Variants in MSL2 observed in about 807,000 individuals in gnomAD.
The protein encoded by MSL2 is E3 ubiquitin-protein ligase MSL2.
A neutral mutation model predicts 35.8 loss-of-function variants in MSL2; 2 were observed. The ratio of observed to expected loss-of-function variants is 0.06; its 90% confidence interval spans 0.02 to 0.18. MSL2 has a LOEUF of 0.18. Among genes scored for constraint, MSL2 ranks in the 10% least tolerant of loss-of-function variants. MSL2 has a pLI of 1.00. For synonymous variants in MSL2, 296 were observed against 255.7 expected, an observed-to-expected ratio of 1.16 and a Z score of -1.50; for missense variants, 523 against 706.7, an observed-to-expected ratio of 0.74 and a Z score of 2.95.
rs750504388 is a variant in MSL2 at position 136,151,700 on chromosome 3, G to A, written c.1181C>T (p.Thr394Ile). 1.2e-6 allele frequency: 2 copies of A among 1,614,102 alleles called. No homozygotes were observed. Among genetic ancestry groups the A allele is most frequent in the Non-Finnish European group, 1.7e-6 (2 of 1,180,010 alleles). ...PIATVPNGGTTPKISKTVLLS... is the reference protein window; with the variant it reads ...PIATVPNGGTIPKISKTVLLS... Reference sequence around the variant, plus strand: ...AAGTACAGTTTTGCTGATTTTAGGTGTTGTGCCTCCATTGGGAACAGTTGC... The same window carrying A: ...AAGTACAGTTTTGCTGATTTTAGGTATTGTGCCTCCATTGGGAACAGTTGC... The change falls in exon 2 of 2, where the codon ACA (threonine) becomes ATA (isoleucine). Residue 394 changes from threonine to isoleucine, a missense_variant. By Grantham distance (89) the Thr-to-Ile change is moderately conservative (BLOSUM62 -1). Around this residue, in one of 5 missense-constraint regions of MSL2, gnomAD observed 361 missense variants for 414.6 expected, o/e 0.87. Transcript: ENST00000309993. The surrounding 1 kb of genome is among the most constrained non-coding windows in gnomAD (Gnocchi z 5.2).
intron 1 of MSL2, among the ~76,000 whole-genome samples, chr3:136,171,789 G>A (rs1280085805): frequency 2.0e-5 from 3 of 152,222 alleles, no homozygotes; most frequent in African/African-American, 4.8e-5. Context: ...TATAAAGGGT[G>A]TATCAAAAGC....
chr3:136,151,906 C>A lies in MSL2; in HGVS notation c.975G>T (p.Gly325=), dbSNP rs772986997. 3 of 1,614,122 alleles carry A rather than the reference C, an allele frequency of 1.9e-6. No homozygotes were observed. The South Asian group carries it at 3.3e-5, about 18-fold the overall frequency. The part of the protein sequence containing the change: ...VFMSTSPALH[G]LSCTAATPKI... ...TCGGAGTTGCTGCTGTACATGATAACCCATGAAGTGCAGGACTGGTGGACA... is the reference window on the plus strand; with the variant it reads ...TCGGAGTTGCTGCTGTACATGATAAACCATGAAGTGCAGGACTGGTGGACA... Residue 325 remains glycine (G), a synonymous_variant, in exon 2 of 2, where the codon GGG becomes GGT. Transcript: ENST00000309993. The surrounding 1 kb of genome is among the most constrained non-coding windows in gnomAD (Gnocchi z 5.2).
rs574123873 is a variant in MSL2, at chr3:136,151,011, T to C, written c.*136A>G. ...AAACTATTTCCCCGACACTAACACA[T>C]ATAACTTAGCAATGAAAACACTTGA... On this transcript the variant is annotated 3_prime_UTR_variant, in exon 2 of 2. Transcript: ENST00000309993. The surrounding 1 kb of genome is among the most constrained non-coding windows in gnomAD (Gnocchi z 5.2). 8 of 946,118 alleles carry C rather than the reference T, an allele frequency of 8.5e-6. No homozygotes were observed. The Admixed American group carries it at 1.1e-4, about 14-fold the overall frequency. 58.6% of individuals were successfully genotyped at this position (946,118 alleles called of 1,614,324 possible).
chr3:136,166,383 ATC>A (rs1190644700), intron 1 of MSL2, among the ~76,000 whole-genome samples: 2 of 151,932 alleles, frequency 1.3e-5, no homozygotes, highest in Non-Finnish European at 2.9e-5. Context: ...GCGAGACTCT[ATC>A]TCAAAAAAAA....
At chr3:136,156,082 C>T in intron 1 of MSL2, 1 of 264,538 alleles carries the variant, frequency 3.8e-6, no homozygotes, top group Non-Finnish European at 7.6e-6. Context: ...AAAAGGAAAT[C>T]AGCTATATCT....
At chr3:136,176,600 G>C (rs1457294557) in intron 1 of MSL2, among the ~76,000 whole-genome samples, 1 of 150,232 alleles carries the variant, frequency 6.7e-6, no homozygotes, top group Non-Finnish European at 1.5e-5. Context: ...TGAGGCAGGA[G>C]AATCACTTGA....
In MSL2 at chr3:136,194,965, G is replaced by A. The variant is rs1398019069; in HGVS notation, c.142+7C>T. On this transcript the variant is annotated splice_region_variant and intron_variant, in intron 1 of 1. Coordinates refer to ENST00000309993, the MANE Select transcript of MSL2 (RefSeq NM_018133.4). ...CATTGAAAAGGGAACAATAAAAAGC[G>A]TCTCACCGCAAACACAGCACGAAAG... 2 of 1,613,546 alleles carry A rather than the reference G, an allele frequency of 1.2e-6. No individual in the cohort carries two copies. Among genetic ancestry groups the A allele is most frequent in the Non-Finnish European group, 8.5e-7 (1 of 1,179,924 alleles).
At chr3:136,188,045 G>A (rs573844815) in intron 1 of MSL2, among the ~76,000 whole-genome samples, 1 of 152,206 alleles carries the variant, frequency 6.6e-6, no homozygotes, top group African/African-American at 2.4e-5. Flanking sequence ...ACCACTATAG[G>A]GCAAGGGCTC....
intron 1 of MSL2, among the ~76,000 whole-genome samples, chr3:136,172,231 T>G (rs1940046145): frequency 6.6e-6 from 1 of 152,136 alleles, no homozygotes; most frequent in Admixed American, 6.5e-5. Context: ...ATTTAAGTAT[T>G]CTCCCTCTCT....
chr3:136,170,006 G>A (rs1314782830), intron 1 of MSL2, among the ~76,000 whole-genome samples: 6 of 149,586 alleles, frequency 4.0e-5, no homozygotes, highest in African/African-American at 1.5e-4. Flanking sequence ...ATCCAGGATC[G>A]CGCCACTGCA....
At chr3:136,161,775 G>A (rs1022641605) in intron 1 of MSL2, among the ~76,000 whole-genome samples, 1 of 152,018 alleles carries the variant, frequency 6.6e-6, no homozygotes, top group Non-Finnish European at 1.5e-5. Flanking sequence ...AGTGGTGATG[G>A]TTACACAACT....
intron 1 of MSL2, among the ~76,000 whole-genome samples, chr3:136,193,280 G>A (rs751223000): frequency 2.6e-5 from 4 of 152,100 alleles, no homozygotes; most frequent in Non-Finnish European, 5.9e-5. Flanking sequence ...GTTCTTAACA[G>A]TTTTAGGATA....
At chr3:136,154,966 T>C (rs1020005823) in intron 1 of MSL2, among the ~76,000 whole-genome samples, 12 of 152,068 alleles carry the variant, frequency 7.9e-5, no homozygotes, top group East Asian at 3.9e-4. Context: ...TCCCAGCACT[T>C]TGGGAGGCCG....
intron 1 of MSL2, among the ~76,000 whole-genome samples, chr3:136,180,791 AGGG>A (rs1559969204): frequency 0.057 from 3,906 of 68,238 alleles, 297 homozygotes; most frequent in Non-Finnish European, 0.071. Flanking sequence ...GGAGGGAGGG[AGGG>A]AGGGAGGGAG....
chr3:136,155,921 T>C, intron 1 of MSL2: 2 of 547,844 alleles, frequency 3.7e-6, no homozygotes, highest in East Asian at 4.7e-5. Flanking sequence ...CCTCATGGTT[T>C]CCAATACTCC....
Position 136,159,354 on chromosome 3 carries a change from C to CTTTTTTTTTTTTT in MSL2, c.143-6629_143-6617dup, listed in dbSNP as rs71157361. Among the ~76,000 whole-genome samples the CTTTTTTTTTTTTT allele has an allele frequency of 8.6e-4, 60 of 70,060 alleles. 8 individuals are homozygous for CTTTTTTTTTTTTT. Among genetic ancestry groups the CTTTTTTTTTTTTT allele is most frequent in the African/African-American group, 3.1e-3 (56 of 18,010 alleles). 46.0% of individuals were successfully genotyped at this position (70,060 alleles called of 152,430 possible). Reference sequence around the variant, plus strand: ...TTCAATGGGGAAAGGAGAGTACTTTCTTTTTTTTTTTTTTTTTTTTTTTTT... The same window carrying CTTTTTTTTTTTTT: ...TTCAATGGGGAAAGGAGAGTACTTTCTTTTTTTTTTTTTTTTTTTTTTTTTTTTTTTTTTTTTT... On this transcript the variant is annotated intron_variant, in intron 1 of 1. Transcript: ENST00000309993.
chr3:136,193,628 T>C (rs1940753419), intron 1 of MSL2, among the ~76,000 whole-genome samples: 1 of 151,670 alleles, frequency 6.6e-6, no homozygotes, highest in African/African-American at 2.4e-5. Context: ...AGTGAGAGGT[T>C]ACCATGAAAC....
At chr3:136,185,283 G>T (rs1437434797) in intron 1 of MSL2, among the ~76,000 whole-genome samples, 1 of 140,544 alleles carries the variant, frequency 7.1e-6, no homozygotes, top group African/African-American at 2.7e-5. Flanking sequence ...GCCCAATTCA[G>T]CAAATTTTTA....
intron 1 of MSL2, among the ~76,000 whole-genome samples, chr3:136,159,571 C>A (rs1358808743): frequency 6.6e-6 from 1 of 150,570 alleles, no homozygotes; most frequent in Non-Finnish European, 1.5e-5. Context: ...GAGGTTTCAC[C>A]GTGTTAGCCA....
Sources: allele counts gnomAD v4.1 joint callset (sites outside exome capture counted in the v4.1 genomes callset), GRCh38; gene constraint gnomAD v4.1.1; regional missense constraint gnomAD v4.1.1; non-coding constraint Gnocchi (gnomAD v3.1); transcripts MANE v1.5; gene names NCBI Gene and HGNC (gene_info 2026-07-23, HGNC 2026-07-21).